HELZ: variants seen among roughly 807,000 people sequenced by gnomAD.
HELZ encodes the protein ATP-dependent RNA helicase with zinc finger domain.
In HELZ, 23 loss-of-function variants were observed where a neutral mutation model predicts 218.2. The ratio of observed to expected loss-of-function variants is 0.11; its 90% CI spans 0.08 to 0.15. The LOEUF is 0.15. HELZ is among the 10% of genes least tolerant of loss of function. HELZ has a pLI of 1.00. For synonymous variants in HELZ, 814 were observed against 829.4 expected, an observed-to-expected ratio of 0.98 and a Z score of 0.32; for missense variants, 1,813 against 2,353.7, an observed-to-expected ratio of 0.77 and a Z score of 4.75.
At chr17:67,225,109 A>T in intron 3 of HELZ, 1 of 451,926 alleles carries the variant, frequency 2.2e-6, no homozygotes. Context: ...TATATATATA[A>T]GCCCAAAGCA....
At chr17:67,221,116 A>C (rs2040734137) in intron 3 of HELZ, among the ~76,000 whole-genome samples, 1 of 152,240 alleles carries the variant, frequency 6.6e-6, no homozygotes, top group Non-Finnish European at 1.5e-5. Flanking sequence ...TTACAAAATT[A>C]CTAACTCATG....
intron 3 of HELZ, among the ~76,000 whole-genome samples, chr17:67,219,608 AACTCAAGGT>A (rs1357047033): frequency 2.0e-5 from 3 of 150,588 alleles, no homozygotes; most frequent in Non-Finnish European, 4.4e-5. Flanking sequence ...ACACAGCCTA[AACTCAAGGT>A]ACATCAGAGG....
At position 67,101,420 on chromosome 17, in the gene HELZ, A is replaced by G. The variant is rs1441082788; in HGVS notation, c.5241+5749T>C. Among the ~76,000 whole-genome samples, 4 of 152,320 alleles carry G rather than the reference A, an allele frequency of 2.6e-5. No homozygotes were observed. The East Asian group carries it at 7.7e-4, about 29-fold the overall frequency. On this transcript the variant is annotated intron_variant, in intron 31 of 32. Coordinates refer to ENST00000358691, the MANE Select transcript of HELZ (RefSeq NM_014877.4). Reference sequence around the variant, plus strand: ...AAAGTAATAAGGGAGACTTTAAACTACTGGGTTAGAATGCCACAAAATCTC... The same window carrying G: ...AAAGTAATAAGGGAGACTTTAAACTGCTGGGTTAGAATGCCACAAAATCTC...
Position 67,077,695 on chromosome 17 carries a change from T to C in HELZ, c.*557A>G, listed in dbSNP as rs1317360286. 6.8e-6 allele frequency: 1 copy of C among 147,996 alleles called. No homozygotes were observed. Among genetic ancestry groups the C allele is most frequent in the Admixed American group, 6.8e-5 (1 of 14,644 alleles). 9.2% of individuals were successfully genotyped at this position (147,996 alleles called of 1,614,324 possible). On this transcript the variant is annotated 3_prime_UTR_variant, in exon 33 of 33. Transcript: ENST00000358691. ...CATACATAGTCTAAAACTATAAAAG[T>C]TTTAGAATGCAGCATCGTGTCACCA... is the stretch of plus-strand genomic sequence containing the variant.
intron 31 of HELZ, among the ~76,000 whole-genome samples, chr17:67,092,144 T>C (rs992778537): frequency 2.6e-5 from 4 of 152,168 alleles, no homozygotes; most frequent in African/African-American, 7.2e-5. Context: ...TACAAAATCA[T>C]TTTTTAAAAG....
intron 5 of HELZ, among the ~76,000 whole-genome samples, chr17:67,208,575 T>C (rs2040365928): frequency 6.6e-6 from 1 of 152,000 alleles, no homozygotes; most frequent in South Asian, 2.1e-4. Context: ...TATATATATA[T>C]AAATTTTTTA....
intron 26 of HELZ, among the ~76,000 whole-genome samples, chr17:67,122,317 A>G (rs1451791321): frequency 3.3e-5 from 5 of 152,142 alleles, no homozygotes; most frequent in Admixed American, 2.0e-4. Flanking sequence ...AGGCCAAGAC[A>G]GGCGGATCAC....
chr17:67,230,481 C>G (rs928494409), intron 3 of HELZ, among the ~76,000 whole-genome samples: 9 of 150,996 alleles, frequency 6.0e-5, no homozygotes, highest in Non-Finnish European at 1.2e-4. Context: ...CCTGTAATCC[C>G]AGCTACTTGG....
intron 25 of HELZ, 89 bp from the exon 26 acceptor site, chr17:67,123,249 T>C (rs1598272291): frequency 1.4e-6 from 1 of 720,618 alleles, no homozygotes; most frequent in Non-Finnish European, 2.1e-6. Context: ...GCAAAATATA[T>C]TTCCCAGGTT....
chr17:67,097,480 T>A (rs1317729934), intron 31 of HELZ, among the ~76,000 whole-genome samples: 1 of 152,204 alleles, frequency 6.6e-6, no homozygotes, highest in Admixed American at 6.5e-5. Context: ...GTCTAAATTT[T>A]AAAAAATGCC....
intron 13 of HELZ, among the ~76,000 whole-genome samples, chr17:67,168,635 G>C (rs2039219328): frequency 6.6e-6 from 1 of 152,142 alleles, no homozygotes; most frequent in Non-Finnish European, 1.5e-5. Context: ...TTTCATTCAT[G>C]GCTACATGGA....
At chr17:67,195,660 G>C (rs1004964522) in intron 7 of HELZ, among the ~76,000 whole-genome samples, 190 bp from the exon 8 acceptor site, 4 of 151,806 alleles carry the variant, frequency 2.6e-5, no homozygotes, top group African/African-American at 9.7e-5. Flanking sequence ...AAACATATTT[G>C]TGAGGCTCTC....
At chr17:67,149,742 A>C in intron 19 of HELZ, 125 bp downstream of exon 19, 1 of 535,168 alleles carries the variant, frequency 1.9e-6, no homozygotes, top group Non-Finnish European at 3.3e-6. Context: ...ATTAGTACAG[A>C]ACTATTTGAA....
chr17:67,080,372 T>G (rs1363123932), intron 32 of HELZ, among the ~76,000 whole-genome samples: 2 of 152,242 alleles, frequency 1.3e-5, no homozygotes, highest in Non-Finnish European at 2.9e-5. Flanking sequence ...TAATAAATTG[T>G]GTTCTCTGCT....
At position 67,070,958 on chromosome 17, in the gene HELZ, A is replaced by G. The variant is rs1039649969; in HGVS notation, c.*7294T>C. On this transcript the variant is annotated 3_prime_UTR_variant, in exon 33 of 33. Transcript: ENST00000358691. Reference sequence around the variant, plus strand: ...TCTATGAAGTTAGCTGAACAAGTTTAGATAAGAACTATATGTATGAAGCAT... The same window carrying G: ...TCTATGAAGTTAGCTGAACAAGTTTGGATAAGAACTATATGTATGAAGCAT... 1 of 152,206 alleles carries G rather than the reference A, an allele frequency of 6.6e-6. No individual in the cohort carries two copies. Among genetic ancestry groups the G allele is most frequent in the Non-Finnish European group, 1.5e-5 (1 of 68,024 alleles). 9.4% of individuals were successfully genotyped at this position (152,206 alleles called of 1,614,324 possible). A position where few individuals can be genotyped will look rare whatever the true frequency, so the allele number is the denominator to read the frequency against.
intron 3 of HELZ, among the ~76,000 whole-genome samples, chr17:67,235,748 T>A (rs1426408138): frequency 3.9e-5 from 5 of 127,636 alleles, no homozygotes; most frequent in East Asian, 4.2e-4. Flanking sequence ...GACCACACAC[T>A]CTTTTTTTTT....
chr17:67,203,752 T>C (rs1182486912), intron 5 of HELZ, among the ~76,000 whole-genome samples: 1 of 152,226 alleles, frequency 6.6e-6, no homozygotes, highest in Non-Finnish European at 1.5e-5. Context: ...TGAGGGCTTT[T>C]AAATTGCAGA....
At chr17:67,173,010 A>G (rs891297674) in intron 13 of HELZ, 2 of 972,284 alleles carry the variant, frequency 2.1e-6, no homozygotes, top group African/African-American at 3.5e-5. Flanking sequence ...CACAGTTTAG[A>G]GCAACAAGAG....
chr17:67,160,165 T>C (rs2038956405), intron 17 of HELZ, 96 bp downstream of exon 17: 2 of 737,236 alleles, frequency 2.7e-6, no homozygotes, highest in Non-Finnish European at 4.7e-6. Flanking sequence ...GCATAAAGAC[T>C]TTGGTATTTC....
Sources: gnomAD v4.1 joint callset for allele counts (sites outside exome capture counted in the v4.1 genomes callset) on GRCh38, gnomAD v4.1.1 for gene constraint, MANE v1.5 for transcripts, NCBI Gene and HGNC (gene_info 2026-07-23, HGNC 2026-07-21) for gene names.